The following PACC1 variants were observed in gnomAD, a reference collection of about 807,000 sequenced individuals.
PACC1 encodes the protein proton-activated chloride channel.
A neutral mutation model predicts 39.7 loss-of-function variants in PACC1; 34 were observed. The ratio of observed to expected loss-of-function variants is 0.86; its 90% CI spans 0.65 to 1.14. PACC1 has a LOEUF of 1.14. PACC1 is among the 50% of genes most tolerant of loss of function. PACC1 has a pLI of 0.00. For missense variants in PACC1, 379 were observed against 436.4 expected (o/e 0.87, Z 1.17); for synonymous variants, 127 against 160.6 (o/e 0.79, Z 1.58).
chr1:212,414,105 CAAAG>C (rs1465670877), intron 1 of PACC1: 4 of 1,508,428 alleles, frequency 2.7e-6, no homozygotes, highest in Non-Finnish European at 2.6e-6. Context: ...AGAGAAGAGA[CAAAG>C]AACTGGAAAG....
chr1:212,375,104 G>A, intron 7 of PACC1, 89 bp downstream of exon 7: 1 of 1,061,312 alleles, frequency 9.4e-7, no homozygotes, highest in Non-Finnish European at 1.4e-6. Flanking sequence ...CTTCAGGGCA[G>A]CATCATAATC....
At chr1:212,379,780 G>A in intron 5 of PACC1, 115 bp downstream of exon 5, 1 of 1,334,142 alleles carries the variant, frequency 7.5e-7, no homozygotes, top group Non-Finnish European at 1.0e-6. Flanking sequence ...TGGGTCATCT[G>A]AGAATGCCCC....
chr1:212,371,241 CAAAAAAAA>C (rs1189603478), intron 7 of PACC1, among the ~76,000 whole-genome samples: 10 of 88,804 alleles, frequency 1.1e-4, no homozygotes, highest in Non-Finnish European at 1.7e-4. Context: ...GACTCCATTT[CAAAAAAAA>C]AAAAAAAAAA....
intron 5 of PACC1, among the ~76,000 whole-genome samples, chr1:212,379,022 CAA>C (rs1660772535): frequency 6.6e-6 from 1 of 151,478 alleles, no homozygotes; most frequent in Non-Finnish European, 1.5e-5. Context: ...CAGCTCACTG[CAA>C]ACTCTGCCTC....
At chr1:212,408,370 T>G (rs1051069270) in intron 2 of PACC1, among the ~76,000 whole-genome samples, 62 of 152,048 alleles carry the variant, frequency 4.1e-4, no homozygotes, top group African/African-American at 1.3e-3. Flanking sequence ...TATTTTATTT[T>G]TTTTTTTGAG....
In PACC1 at chr1:212,386,857, G is replaced by C. The variant is rs1434251115; in HGVS notation, c.343+34C>G. On this transcript the variant is annotated intron_variant, in intron 3 of 7. Transcript: ENST00000261455. The surrounding 1 kb of genome is among the most constrained non-coding windows in gnomAD (Gnocchi z 5.0). ...TCTGCCAGCTGACACCCTAGATCTG[G>C]GGCCCTGATGCCTGGCCCAGGGGCA... 6.2e-7 allele frequency: 1 copy of C among 1,606,256 alleles called. No individual in the cohort carries two copies. The highest frequency in any genetic ancestry group is 8.5e-7 in the Non-Finnish European group (1 of 1,173,138).
chr1:212,393,355 G>GT (rs1312718693), intron 2 of PACC1, among the ~76,000 whole-genome samples: 1 of 152,230 alleles, frequency 6.6e-6, no homozygotes, highest in African/African-American at 2.4e-5. Flanking sequence ...ATAAGGAAAT[G>GT]AAGGCAGAAA....
At position 212,375,192 on chromosome 1, in the gene PACC1, C is replaced by T. The variant is rs1660601730; in HGVS notation, c.891+1G>A. The T allele has an allele frequency of 3.1e-6, 5 of 1,606,478 alleles. No homozygotes were observed. Among genetic ancestry groups the T allele is most frequent in the Non-Finnish European group, 4.3e-6 (5 of 1,173,312 alleles). ...ATACTATCATAATCTTAAATACTCA[C>T]ATCTTGGACTTTCTGGATGAAAGGA... On this transcript the variant is annotated splice_donor_variant, in intron 7 of 7. Coordinates refer to ENST00000261455, the MANE Select transcript of PACC1 (RefSeq NM_018252.3). LOFTEE classifies it high-confidence loss of function.
chr1:212,398,380 T>C (rs1661596130), intron 2 of PACC1, among the ~76,000 whole-genome samples: 1 of 152,238 alleles, frequency 6.6e-6, no homozygotes, highest in African/African-American at 2.4e-5. Flanking sequence ...AGAATATTAG[T>C]GCAATCAAGC....
chr1:212,373,845 CAGTA>C (rs1660549544), intron 7 of PACC1, among the ~76,000 whole-genome samples: 1 of 151,978 alleles, frequency 6.6e-6, no homozygotes, highest in African/African-American at 2.4e-5. Context: ...ATCAAAAAGA[CAGTA>C]AGTAACAGAT....
rs771386337 is a variant in PACC1 at position 212,385,410 on chromosome 1, G to C, written c.359C>G (p.Pro120Arg). 6.2e-7 allele frequency: 1 copy of C among 1,614,028 alleles called. No homozygotes were observed. Among genetic ancestry groups the C allele is most frequent in the Non-Finnish European group, 8.5e-7 (1 of 1,179,974 alleles). ...ACAGCTGAGCAACTGGGCCTGACCGGGGTACAAGGCAATACCTGGGGGCAC... is the reference window on the plus strand; with the variant it reads ...ACAGCTGAGCAACTGGGCCTGACCGCGGTACAAGGCAATACCTGGGGGCAC... Reference protein sequence around the residue: ...RYDAPGIALYPGQAQLLSCKH... With the variant: ...RYDAPGIALYRGQAQLLSCKH... The change falls in exon 4 of 8, where the codon CCC becomes CGC. Residue 120 changes from proline (P) to arginine (R), a missense_variant. Coordinates refer to ENST00000261455, the MANE Select transcript of PACC1 (RefSeq NM_018252.3).
intron 1 of PACC1, among the ~76,000 whole-genome samples, chr1:212,412,314 C>T (rs1350976661): frequency 5.9e-5 from 9 of 152,182 alleles, no homozygotes; most frequent in African/African-American, 2.2e-4. Flanking sequence ...ATTCAAGCCT[C>T]ACTCAGGTTC....
rs566660781 is a variant in PACC1 at position 212,389,263 on chromosome 1, G to A, written c.134-2163C>T. On this transcript the variant is annotated intron_variant, in intron 2 of 7. Transcript: ENST00000261455. Reference sequence around the variant, plus strand: ...CCATGAAAGGGAGGGAGCCACACAGGGGGTGAAACTCCCAAATCTGCAACT... The same window carrying A: ...CCATGAAAGGGAGGGAGCCACACAGAGGGTGAAACTCCCAAATCTGCAACT... Among the ~76,000 whole-genome samples the A allele has an allele frequency of 4.6e-5, 7 of 152,264 alleles. No homozygotes were observed. In the South Asian group the frequency reaches 1.2e-3, roughly 27 times the overall value.
intron 6 of PACC1, 141 bp from the exon 7 acceptor site, chr1:212,375,441 A>G (rs2102477001): frequency 3.4e-6 from 2 of 593,538 alleles, no homozygotes; most frequent in South Asian, 2.2e-5. Flanking sequence ...GAGTGGCAAA[A>G]ATCTCATATA....
intron 2 of PACC1, among the ~76,000 whole-genome samples, chr1:212,388,268 A>G (rs1341788740): frequency 1.3e-5 from 2 of 152,086 alleles, no homozygotes; most frequent in Admixed American, 6.6e-5. Context: ...CTTATCCCTA[A>G]CTGAATCCTT....
In PACC1 at chr1:212,391,925, A is replaced by G. The variant is rs185183118; in HGVS notation, c.134-4825T>C. On this transcript the variant is annotated intron_variant, in intron 2 of 7. Transcript: ENST00000261455. ...ATTTAAAAAAACGAACAAAGCCTCC[A>G]AGAAATATGGGACTATGTGAAAAGA... is the stretch of plus-strand genomic sequence containing the variant. 2.8e-3 allele frequency among the ~76,000 whole-genome samples: 430 copies of G among 152,336 alleles called. 3 individuals are homozygous for G. The highest frequency in any genetic ancestry group is 9.3e-3 in the African/African-American group (388 of 41,574).
chr1:212,371,528 A>G (rs1660459562), intron 7 of PACC1, among the ~76,000 whole-genome samples: 1 of 152,164 alleles, frequency 6.6e-6, no homozygotes, highest in Admixed American at 6.5e-5. Flanking sequence ...ATAGACCAAT[A>G]TGAGTAACAA....
intron 2 of PACC1, among the ~76,000 whole-genome samples, chr1:212,406,498 A>G (rs1486715392): frequency 1.3e-5 from 2 of 152,108 alleles, no homozygotes; most frequent in Non-Finnish European, 2.9e-5. Flanking sequence ...CCTAGTTGAC[A>G]CAGGGAGACT....
At chr1:212,394,466 T>C (rs1661439884) in intron 2 of PACC1, among the ~76,000 whole-genome samples, 1 of 152,072 alleles carries the variant, frequency 6.6e-6, no homozygotes, top group Non-Finnish European at 1.5e-5. Context: ...ATGACAAACC[T>C]ACAGCCAATA....
Sources: allele counts gnomAD v4.1 joint callset (sites outside exome capture counted in the v4.1 genomes callset), GRCh38; gene constraint gnomAD v4.1.1; non-coding constraint Gnocchi (gnomAD v3.1); transcripts MANE v1.5; gene names NCBI Gene and HGNC (gene_info 2026-07-23, HGNC 2026-07-21).